The following ADGRL3 variants were observed in gnomAD, a reference collection of about 807,000 sequenced individuals.
The protein encoded by ADGRL3 is adhesion G protein-coupled receptor L3, also known as calcium-independent alpha-latrotoxin receptor 3.
ADGRL3 carries 62 observed loss-of-function variants against 153.5 expected under a neutral mutation model. The observed-to-expected ratio is 0.40, with a 90% CI of 0.33 to 0.50. The LOEUF (loss-of-function observed/expected upper bound fraction) is 0.50, where lower values mean the gene tolerates loss of function less well. Among genes scored for constraint, ADGRL3 ranks in the 20% least tolerant of loss-of-function variants. The pLI is 0.47. For synonymous variants in ADGRL3, 710 were observed against 672.5 expected (o/e 1.06, Z -0.86); for missense variants, 1,641 against 1,859.4 (o/e 0.88, Z 2.16).
chr4:61,675,951 T>A (rs6551643), intron 5 of ADGRL3, among the ~76,000 whole-genome samples: 148,280 of 151,574 alleles, frequency 0.98, 72,524 homozygotes, highest in Middle Eastern at 1. Flanking sequence ...TCCTCCCCCC[T>A]CTACCCCTCA....
At position 61,235,596 on chromosome 4, in the gene ADGRL3, T is replaced by C. The variant is rs886946555; in HGVS notation, c.-240+33831T>C. On this transcript the variant is annotated intron_variant, in intron 1 of 26. Coordinates refer to ENST00000683033, the MANE Select transcript of ADGRL3 (RefSeq NM_001387552.1). ...GGCCAGGAGTTTTCCTAGGACTGGA[T>C]TGGAGTATCACCAAACCTGAAAGAA... 1.1e-4 allele frequency among the ~76,000 whole-genome samples: 17 copies of C among 152,222 alleles called. 1 individual carries two copies. The highest frequency in any genetic ancestry group is 8.5e-4 in the Admixed American group (13 of 15,288).
rs1342871417 is a variant in ADGRL3 at position 62,070,787 on chromosome 4, T to G, written c.4511T>G (p.Leu1504Arg). 4.5e-6 allele frequency: 7 copies of G among 1,551,574 alleles called. No individual in the cohort carries two copies. The African/African-American group carries it at 5.5e-5, about 12-fold the overall frequency. ...NLGSRNHVHQ[L>R]HTYYQLGRGS... is the part of the protein sequence containing the mutation. ...GGCTCCAGAAACCACGTCCATCAGC[T>G]GCATACTTACTACCAGCTAGGTCGC... Residue 1504 changes from leucine to arginine, a missense_variant, in exon 27 of 27, where the codon CTG becomes CGG. By Grantham distance (102) the Leu-to-Arg change is moderately radical. Transcript: ENST00000683033.
In ADGRL3 at chr4:61,532,534, G is replaced by A. The variant is rs571803488; in HGVS notation, c.259+15016G>A. Among the ~76,000 whole-genome samples, 821 of 128,242 alleles carry A rather than the reference G, an allele frequency of 6.4e-3. 20 individuals carry two copies. The highest frequency in any genetic ancestry group is 0.034 in the Admixed American group (444 of 13,212). The allele number at this position is 128,242 out of a possible 152,430, so 84.1% of individuals were successfully genotyped here. On this transcript the variant is annotated intron_variant, in intron 4 of 26. Coordinates refer to ENST00000683033, the MANE Select transcript of ADGRL3 (RefSeq NM_001387552.1). ...CTTGTTTCTGCAGGATGCTGCATGC[G>A]CGCGCGCGCGCGCGCGCGCGCGTGT... is the stretch of plus-strand genomic sequence containing the variant.
intron 9 of ADGRL3, 144 bp downstream of exon 9, chr4:61,814,033 G>A (rs1385338948): frequency 1.3e-5 from 14 of 1,050,782 alleles, no homozygotes; most frequent in East Asian, 1.3e-4. Flanking sequence ...TGGAGATAAA[G>A]CAAGTCTCAT....
chr4:61,986,437 C>T (rs1428431162), intron 19 of ADGRL3, among the ~76,000 whole-genome samples: 1 of 152,050 alleles, frequency 6.6e-6, no homozygotes, highest in African/African-American at 2.4e-5. Flanking sequence ...AGAAATCTAT[C>T]TTTTCTTAGA....
At chr4:61,781,845 T>A (rs2097217541) in intron 8 of ADGRL3, among the ~76,000 whole-genome samples, 2 of 152,208 alleles carry the variant, frequency 1.3e-5, no homozygotes, top group South Asian at 4.1e-4. Flanking sequence ...TTACCTATAT[T>A]TAGATTCTAA....
At chr4:61,607,321 A>G (rs1205461899) in intron 5 of ADGRL3, among the ~76,000 whole-genome samples, 1 of 152,158 alleles carries the variant, frequency 6.6e-6, no homozygotes, top group Non-Finnish European at 1.5e-5. Flanking sequence ...CAATCTGGCC[A>G]GGCGCAGTGG....
In ADGRL3 at chr4:62,070,518, C is replaced by T; in HGVS notation, c.4242C>T (p.His1414=). 1 of 1,551,408 alleles carries T rather than the reference C, an allele frequency of 6.4e-7. No individual in the cohort carries two copies. Among genetic ancestry groups the T allele is most frequent in the Non-Finnish European group, 8.7e-7 (1 of 1,146,934 alleles). Reference sequence around the variant, plus strand: ...CAAGAGTATACTCCACCGAGAACCACCAGCCACACCATTATACCAGAAGGC... The same window carrying T: ...CAAGAGTATACTCCACCGAGAACCATCAGCCACACCATTATACCAGAAGGC... ...LPPRVYSTEN[H]QPHHYTRRRI... Residue 1414 remains histidine (H), a synonymous_variant, in exon 27 of 27, where the codon CAC becomes CAT. Coordinates refer to ENST00000683033, the MANE Select transcript of ADGRL3 (RefSeq NM_001387552.1).
rs564151119 is a variant in ADGRL3, at chr4:61,559,509, G to A, written c.260-27718G>A. Reference sequence around the variant, plus strand: ...CCATCGTGGCATTTTAGTATGATTAGCCTGAATTTGGCTCTTCCTTGTGCA... The same window carrying A: ...CCATCGTGGCATTTTAGTATGATTAACCTGAATTTGGCTCTTCCTTGTGCA... On this transcript the variant is annotated intron_variant, in intron 4 of 26. Coordinates refer to ENST00000683033, the MANE Select transcript of ADGRL3 (RefSeq NM_001387552.1). Among the ~76,000 whole-genome samples the A allele has an allele frequency of 7.9e-5, 12 of 152,186 alleles. No individual in the cohort carries two copies. In the East Asian group the frequency reaches 1.9e-3, roughly 24 times the overall value.
At chr4:61,721,139 G>A (rs2096235815) in intron 6 of ADGRL3, among the ~76,000 whole-genome samples, 1 of 152,164 alleles carries the variant, frequency 6.6e-6, no homozygotes, top group Non-Finnish European at 1.5e-5. Context: ...ACAGTATTAA[G>A]GTTCTCTAGA....
rs1019406217 is a variant in ADGRL3 at position 61,767,807 on chromosome 4, G to A, written c.1399+34253G>A. 6.6e-5 allele frequency among the ~76,000 whole-genome samples: 10 copies of A among 152,122 alleles called. No homozygotes were observed. The East Asian group carries it at 1.2e-3, about 18-fold the overall frequency. On this transcript the variant is annotated intron_variant, in intron 8 of 26. Transcript: ENST00000683033. ...AACGCCTGGCTGCTACAGTTCAGGC[G>A]TTTGGAAGTTCTTGTGTGCTGGAGA...
intron 9 of ADGRL3, among the ~76,000 whole-genome samples, chr4:61,850,222 T>C (rs2098185397): frequency 6.6e-6 from 1 of 152,134 alleles, no homozygotes; most frequent in African/African-American, 2.4e-5. Context: ...TCTCCTTTTA[T>C]CTTCATGAAA....
intron 21 of ADGRL3, among the ~76,000 whole-genome samples, chr4:62,011,958 T>C (rs2099188578): frequency 6.6e-6 from 1 of 152,080 alleles, no homozygotes; most frequent in Non-Finnish European, 1.5e-5. Context: ...AACATAGCTT[T>C]CTTTAAAATG....
chr4:62,005,369 C>G (rs1326401307), intron 21 of ADGRL3, among the ~76,000 whole-genome samples: 1 of 152,146 alleles, frequency 6.6e-6, no homozygotes. Context: ...ACTGGAAGCT[C>G]ACATTTGAGA....
chr4:61,707,758 C>T (rs557541363), intron 6 of ADGRL3, among the ~76,000 whole-genome samples: 1 of 152,216 alleles, frequency 6.6e-6, no homozygotes, highest in Admixed American at 6.5e-5. Flanking sequence ...GCTTAACCTT[C>T]CTCAAATGTA....
At position 61,456,403 on chromosome 4, in the gene ADGRL3, C is replaced by CTATA. The variant is rs370077212; in HGVS notation, c.-173-40709_-173-40706dup. Among the ~76,000 whole-genome samples the CTATA allele has an allele frequency of 8.4e-5, 5 of 59,314 alleles. 1 individual carries two copies. Among genetic ancestry groups the CTATA allele is most frequent in the South Asian group, 1.0e-3 (2 of 1,966 alleles). The allele number at this position is 59,314 out of a possible 152,430, so 38.9% of individuals were successfully genotyped here. ...TATATATATATAGATATATCTATATCTATATATATATAGATATATCTATAT... is the reference window on the plus strand; with the variant it reads ...TATATATATATAGATATATCTATATCTATATATATATATATAGATATATCTATAT... On this transcript the variant is annotated intron_variant, in intron 2 of 26. Coordinates refer to ENST00000683033, the MANE Select transcript of ADGRL3 (RefSeq NM_001387552.1).
chr4:61,220,424 G>A (rs1443880450), intron 1 of ADGRL3, among the ~76,000 whole-genome samples: 1 of 152,072 alleles, frequency 6.6e-6, no homozygotes. Context: ...GTGACTTTGG[G>A]TCACTTCCTA....
chr4:61,871,524 A>G (rs934449461), intron 9 of ADGRL3, among the ~76,000 whole-genome samples: 1 of 152,172 alleles, frequency 6.6e-6, no homozygotes, highest in African/African-American at 2.4e-5. Flanking sequence ...CACTAAAGGC[A>G]CATACTGTAT....
intron 2 of ADGRL3, among the ~76,000 whole-genome samples, chr4:61,425,748 A>G (rs1273958520): frequency 1.3e-5 from 2 of 152,152 alleles, no homozygotes; most frequent in Non-Finnish European, 2.9e-5. Flanking sequence ...CCATTCCCCT[A>G]TGAACAGTCA....
Sources: gnomAD v4.1 joint callset for allele counts (sites outside exome capture counted in the v4.1 genomes callset) on GRCh38, gnomAD v4.1.1 for gene constraint, MANE v1.5 for transcripts, NCBI Gene and HGNC (gene_info 2026-07-23, HGNC 2026-07-21) for gene names.